ST18: variants seen among roughly 807,000 people sequenced by gnomAD.
ST18 encodes the protein suppression of tumorigenicity 18 protein.
ST18 carries 50 observed loss-of-function variants against 110.0 expected under a neutral mutation model. The observed-to-expected ratio is 0.45, with a 90% CI of 0.36 to 0.58. ST18 has a LOEUF of 0.58. ST18 is among the 20% of genes least tolerant of loss of function. The pLI, the probability that ST18 is intolerant of heterozygous loss-of-function variation, is 0.00. For synonymous variants in ST18, 461 were observed against 452.4 expected (o/e 1.02, Z -0.24); for missense variants, 1,306 against 1,280.1 (o/e 1.02, Z -0.31).
chr8:52,158,762 T>C, intron 15 of ST18, 136 bp downstream of exon 15: 6 of 998,680 alleles, frequency 6.0e-6, no homozygotes, highest in Non-Finnish European at 7.6e-6. Context: ...CCTCTGAGCC[T>C]CTTCCTGAGA....
chr8:52,265,951 G>A (rs1279630602), intron 2 of ST18, among the ~76,000 whole-genome samples: 1 of 152,164 alleles, frequency 6.6e-6, no homozygotes, highest in Non-Finnish European at 1.5e-5. Flanking sequence ...AAGCACAGGA[G>A]GTGACGCCAG....
At chr8:52,256,326 G>C (rs1263977527) in intron 2 of ST18, among the ~76,000 whole-genome samples, 1 of 152,174 alleles carries the variant, frequency 6.6e-6, no homozygotes, top group Non-Finnish European at 1.5e-5. Context: ...ATACTCCAAC[G>C]CAAGGACAAA....
At chr8:52,205,534 G>C (rs560781739) in intron 8 of ST18, among the ~76,000 whole-genome samples, 18 of 151,846 alleles carry the variant, frequency 1.2e-4, no homozygotes, top group Non-Finnish European at 2.5e-4. Flanking sequence ...GTAGTAGTCT[G>C]TTTTTTTAAA....
At chr8:52,193,157 C>G (rs1015816739) in intron 8 of ST18, among the ~76,000 whole-genome samples, 1 of 152,144 alleles carries the variant, frequency 6.6e-6, no homozygotes, top group African/African-American at 2.4e-5. Flanking sequence ...AGCAGAGGAA[C>G]TTGGCAAGGA....
intron 5 of ST18, among the ~76,000 whole-genome samples, chr8:52,220,208 C>T (rs961056954): frequency 1.3e-5 from 2 of 152,156 alleles, no homozygotes; most frequent in East Asian, 3.8e-4. Flanking sequence ...TTTTGAGATG[C>T]ATCTGTTGCA....
chr8:52,220,467 C>T (rs761700484), intron 5 of ST18: 2 of 152,064 alleles, frequency 1.3e-5, no homozygotes, highest in Non-Finnish European at 2.9e-5. Flanking sequence ...TCAAACTTTC[C>T]TTAAAGGCAA....
intron 2 of ST18, among the ~76,000 whole-genome samples, chr8:52,402,633 G>T (rs1056019337): frequency 6.6e-6 from 1 of 152,174 alleles, no homozygotes; most frequent in African/African-American, 2.4e-5. Flanking sequence ...ACTGCATAGT[G>T]ATGACTATGG....
At chr8:52,250,826 A>G (rs1018791012) in intron 2 of ST18, among the ~76,000 whole-genome samples, 1 of 152,122 alleles carries the variant, frequency 6.6e-6, no homozygotes, top group Non-Finnish European at 1.5e-5. Context: ...TCTCATTAAA[A>G]TGCCAGCAGT....
At chr8:52,397,309 AT>A (rs1230268338) in intron 2 of ST18, among the ~76,000 whole-genome samples, 1 of 152,070 alleles carries the variant, frequency 6.6e-6, no homozygotes, top group Non-Finnish European at 1.5e-5. Context: ...TCCTTCACTC[AT>A]TTATTTTTAC....
At chr8:52,185,020 A>G (rs968318805) in intron 8 of ST18, among the ~76,000 whole-genome samples, 9 of 152,168 alleles carry the variant, frequency 5.9e-5, no homozygotes, top group African/African-American at 1.9e-4. Context: ...AAAAAATTAA[A>G]CTATTATTAT....
rs558957226 is a variant in ST18, at chr8:52,214,799, A to G, written c.1-542T>C. 4.6e-5 allele frequency among the ~76,000 whole-genome samples: 7 copies of G among 152,342 alleles called. No individual in the cohort carries two copies. The South Asian group carries it at 1.4e-3, about 32-fold the overall frequency. ...ACAATGACATATGTTTACTCTCAGA[A>G]TTTCAGAATAAATACCAGTTATAAT... On this transcript the variant is annotated intron_variant, in intron 6 of 25. Transcript: ENST00000689386.
At chr8:52,188,037 G>A (rs868159752) in intron 8 of ST18, among the ~76,000 whole-genome samples, 3 of 152,028 alleles carry the variant, frequency 2.0e-5, no homozygotes, top group Admixed American at 6.6e-5. Flanking sequence ...CAATAAATAC[G>A]TAATAAGTGC....
At chr8:52,361,131 T>C (rs1825567563) in intron 2 of ST18, among the ~76,000 whole-genome samples, 1 of 152,210 alleles carries the variant, frequency 6.6e-6, no homozygotes, top group Non-Finnish European at 1.5e-5. Flanking sequence ...TAGTATATTT[T>C]CCCCCAAAAT....
At chr8:52,378,302 C>A (rs1046871940) in intron 2 of ST18, among the ~76,000 whole-genome samples, 1 of 152,072 alleles carries the variant, frequency 6.6e-6, no homozygotes, top group Admixed American at 6.5e-5. Flanking sequence ...ATGGATACTC[C>A]AGTTACCCTG....
At chr8:52,204,613 T>C (rs1282452446) in intron 8 of ST18, among the ~76,000 whole-genome samples, 1 of 152,168 alleles carries the variant, frequency 6.6e-6, no homozygotes, top group Admixed American at 6.5e-5. Context: ...TCTAATACTA[T>C]GCTAGGGCAC....
At chr8:52,186,565 C>T (rs893154717) in intron 8 of ST18, among the ~76,000 whole-genome samples, 1 of 152,136 alleles carries the variant, frequency 6.6e-6, no homozygotes, top group Admixed American at 6.5e-5. Flanking sequence ...TTCCTAAGTA[C>T]ACACCTGAAA....
intron 7 of ST18, 82 bp from the exon 8 acceptor site, chr8:52,212,191 T>C: frequency 1.5e-6 from 2 of 1,364,746 alleles, no homozygotes; most frequent in Non-Finnish European, 1.0e-6. Flanking sequence ...TTCCCCCACC[T>C]AGAGGTAACG....
chr8:52,167,759 G>C (rs769107291), intron 10 of ST18, among the ~76,000 whole-genome samples: 5 of 152,126 alleles, frequency 3.3e-5, no homozygotes, highest in Non-Finnish European at 5.9e-5. Context: ...CCGAGCAGCG[G>C]TCCAGAGAGC....
At chr8:52,258,262 T>C (rs1182666050) in intron 2 of ST18, among the ~76,000 whole-genome samples, 2 of 152,168 alleles carry the variant, frequency 1.3e-5, no homozygotes, top group African/African-American at 4.8e-5. Flanking sequence ...CTATTATGGG[T>C]CCAGTGAATT....
Sources: gnomAD v4.1 joint callset for allele counts (sites outside exome capture counted in the v4.1 genomes callset) on GRCh38, gnomAD v4.1.1 for gene constraint, MANE v1.5 for transcripts, NCBI Gene and HGNC (gene_info 2026-07-23, HGNC 2026-07-21) for gene names.